The following ANO10 variants were observed in gnomAD, a reference collection of about 807,000 sequenced individuals.
ANO10 encodes anoctamin 10.
A neutral mutation model predicts 74.7 loss-of-function variants in ANO10; 77 were observed. That is an observed-to-expected ratio of 1.03 (90% CI 0.86 to 1.25). The LOEUF (loss-of-function observed/expected upper bound fraction) is 1.25. Ranked by LOEUF, ANO10 falls within the 50% of genes most tolerant of loss-of-function variation. ANO10 has a pLI of 0.00. For synonymous variants in ANO10, 279 were observed against 284.9 expected (o/e 0.98, Z 0.21); for missense variants, 721 against 778.1 (o/e 0.93, Z 0.87).
chr3:43,503,329 T>C lies in ANO10; in HGVS notation c.1797+46391A>G, dbSNP rs541842114. Reference sequence around the variant, plus strand: ...ACTGAAAGGAAGATTCTAATTTATTTTGATTTCTTGGTGATGGGTGGGGAG... The same window carrying C: ...ACTGAAAGGAAGATTCTAATTTATTCTGATTTCTTGGTGATGGGTGGGGAG... On this transcript the variant is annotated intron_variant, in intron 11 of 12. Coordinates refer to ENST00000292246, the MANE Select transcript of ANO10 (RefSeq NM_018075.5). Among the ~76,000 whole-genome samples the C allele has an allele frequency of 6.6e-5, 10 of 152,314 alleles. No homozygotes were observed. In the South Asian group the frequency reaches 1.4e-3, roughly 22 times the overall value.
chr3:43,630,692 T>G (rs1423716132), intron 1 of ANO10, among the ~76,000 whole-genome samples: 1 of 152,218 alleles, frequency 6.6e-6, no homozygotes, highest in African/African-American at 2.4e-5. Context: ...CTAAGACTGC[T>G]CAAAACGTTA....
chr3:43,686,347 A>T (rs146802863), intron 1 of ANO10, among the ~76,000 whole-genome samples: 3 of 152,292 alleles, frequency 2.0e-5, no homozygotes, highest in African/African-American at 7.2e-5. Context: ...GTACAGTGAC[A>T]TGATCACAGC....
At chr3:43,604,573 A>G (rs1382416036) in intron 2 of ANO10, among the ~76,000 whole-genome samples, 1 of 151,530 alleles carries the variant, frequency 6.6e-6, no homozygotes, top group Non-Finnish European at 1.5e-5. Flanking sequence ...ATTATTGTCA[A>G]TTTAACAGGA....
intron 11 of ANO10, among the ~76,000 whole-genome samples, chr3:43,470,518 T>C (rs1441458630): frequency 2.6e-5 from 4 of 152,112 alleles, no homozygotes; most frequent in African/African-American, 7.2e-5. Flanking sequence ...TAATTTTTTG[T>C]ATTTTTAGTA....
chr3:43,523,094 A>C (rs2078030946), intron 11 of ANO10, among the ~76,000 whole-genome samples: 2 of 152,190 alleles, frequency 1.3e-5, no homozygotes, highest in South Asian at 4.1e-4. Flanking sequence ...TTCAGTGATA[A>C]AACAGGATGA....
At chr3:43,644,182 A>T (rs1428750219) in intron 1 of ANO10, among the ~76,000 whole-genome samples, 3 of 151,992 alleles carry the variant, frequency 2.0e-5, no homozygotes. Flanking sequence ...AACCTCCTTG[A>T]TTGCACATTG....
chr3:43,646,667 C>T (rs368651754), intron 1 of ANO10, among the ~76,000 whole-genome samples: 18 of 152,060 alleles, frequency 1.2e-4, no homozygotes, highest in African/African-American at 3.4e-4. Flanking sequence ...CACCACACCA[C>T]GCCCAGTTAA....
upstream of ANO10, chr3:43,622,032 C>G (rs2083426071): frequency 6.6e-6 from 1 of 152,434 alleles, no homozygotes; most frequent in African/African-American, 2.4e-5. Context: ...CCGCCGAGCG[C>G]TGGGCGTGGC....
chr3:43,664,840 C>T (rs1356759436), intron 1 of ANO10, among the ~76,000 whole-genome samples: 1 of 151,966 alleles, frequency 6.6e-6, no homozygotes, highest in Non-Finnish European at 1.5e-5. Flanking sequence ...ACTATCTCAC[C>T]CCAGTTAGAA....
chr3:43,646,822 A>T (rs2083731108), intron 1 of ANO10, among the ~76,000 whole-genome samples: 1 of 152,184 alleles, frequency 6.6e-6, no homozygotes, highest in Admixed American at 6.5e-5. Flanking sequence ...TTCTTTCTTT[A>T]CATAGACTCA....
At chr3:43,649,617 C>A (rs2083765169) in intron 1 of ANO10, among the ~76,000 whole-genome samples, 2 of 152,172 alleles carry the variant, frequency 1.3e-5, no homozygotes, top group South Asian at 4.1e-4. Flanking sequence ...GAGATCACAG[C>A]ACACTCAAGA....
Position 43,612,140 on chromosome 3 carries a change from TTATATATATATATATA to T in ANO10, c.-11-6293_-11-6278del, listed in dbSNP as rs55675402. ...AGTGGAATAAAGAAAATTAAATATT[TTATATATATATATATA>T]TATATATATATATATATATATATAT... On this transcript the variant is annotated intron_variant, in intron 1 of 12. Transcript: ENST00000292246. Among the ~76,000 whole-genome samples, 494 of 64,556 alleles carry T rather than the reference TTATATATATATATATA, an allele frequency of 7.7e-3. 4 individuals carry two copies. The highest frequency in any genetic ancestry group is 0.043 in the East Asian group (63 of 1,464). The allele number at this position is 64,556 out of a possible 152,430, so 42.4% of individuals were successfully genotyped here.
chr3:43,408,207 CAAAG>C (rs1340153335), intron 12 of ANO10, among the ~76,000 whole-genome samples: 1 of 152,104 alleles, frequency 6.6e-6, no homozygotes, highest in African/African-American at 2.4e-5. Context: ...TTAACCCTGA[CAAAG>C]AAAATCTAAA....
chr3:43,435,784 T>G (rs918044796), intron 11 of ANO10, among the ~76,000 whole-genome samples: 2 of 152,194 alleles, frequency 1.3e-5, no homozygotes, highest in African/African-American at 4.8e-5. Flanking sequence ...TTCACAGATA[T>G]TGGTTAATTA....
intron 7 of ANO10, among the ~76,000 whole-genome samples, chr3:43,566,008 C>T (rs1317086923): frequency 1.3e-5 from 2 of 152,186 alleles, no homozygotes; most frequent in African/African-American, 4.8e-5. Flanking sequence ...CAGGGCAAGG[C>T]ATTGCCTCCC....
chr3:43,635,875 C>T (rs2083603864), intron 1 of ANO10, among the ~76,000 whole-genome samples: 1 of 152,106 alleles, frequency 6.6e-6, no homozygotes, highest in South Asian at 2.1e-4. Context: ...CCGCCTAGGC[C>T]TCCCAAAGTG....
At chr3:43,535,565 C>T (rs776586380) in intron 11 of ANO10, among the ~76,000 whole-genome samples, 10 of 152,096 alleles carry the variant, frequency 6.6e-5, no homozygotes, top group Non-Finnish European at 1.2e-4. Context: ...TGAGCCACAG[C>T]GCCTGGCCTC....
chr3:43,542,455 T>G (rs974697715), intron 11 of ANO10, among the ~76,000 whole-genome samples: 7 of 152,176 alleles, frequency 4.6e-5, no homozygotes, highest in African/African-American at 1.4e-4. Flanking sequence ...ATGGAGAGCC[T>G]GGCCCATGAC....
intron 12 of ANO10, among the ~76,000 whole-genome samples, chr3:43,405,598 A>G (rs562752566): frequency 6.6e-6 from 1 of 151,972 alleles, no homozygotes; most frequent in African/African-American, 2.4e-5. Flanking sequence ...CGATCCTCCC[A>G]CCTCAGCTGA....
Sources: gnomAD v4.1 joint callset for allele counts (sites outside exome capture counted in the v4.1 genomes callset) on GRCh38, gnomAD v4.1.1 for gene constraint, MANE v1.5 for transcripts, NCBI Gene and HGNC (gene_info 2026-07-23, HGNC 2026-07-21) for gene names.